GPC6: variants seen among roughly 807,000 people sequenced by gnomAD.
GPC6 encodes glypican 6.
GPC6 carries 14 observed loss-of-function variants against 55.2 expected under a neutral mutation model. The ratio of observed to expected loss-of-function variants is 0.25; its 90% CI spans 0.17 to 0.40. GPC6 has a LOEUF of 0.40. Among genes scored for constraint, GPC6 ranks in the 10% least tolerant of loss-of-function variants. The pLI, the probability that GPC6 is intolerant of heterozygous loss-of-function variation, is 1.00. For synonymous variants in GPC6, 278 were observed against 259.6 expected, an observed-to-expected ratio of 1.07 and a Z score of -0.68; for missense variants, 641 against 708.5, an observed-to-expected ratio of 0.90 and a Z score of 1.08.
rs570816242 is a variant in GPC6, at chr13:93,767,000, G to A, written c.320-63154G>A. Among the ~76,000 whole-genome samples, 4 of 152,020 alleles carry A rather than the reference G, an allele frequency of 2.6e-5. No homozygotes were observed. In the East Asian group the frequency reaches 7.7e-4, roughly 29 times the overall value. The stretch of plus-strand genomic sequence containing the variant: ...TTAATTTTTTTTTTTCCCCCGCGGT[G>A]GTGGTGACTCTGGGCTTCTTCTGCA... On this transcript the variant is annotated intron_variant, in intron 2 of 8. Transcript: ENST00000377047.
intron 2 of GPC6, among the ~76,000 whole-genome samples, chr13:93,819,405 T>C (rs1463500041): frequency 6.6e-6 from 1 of 152,172 alleles, no homozygotes; most frequent in Non-Finnish European, 1.5e-5. Flanking sequence ...CCATCATGAT[T>C]TGGAAACCTA....
At chr13:94,034,203 A>AGGAAGGAG (rs1883247587) in intron 4 of GPC6, among the ~76,000 whole-genome samples, 1 of 109,548 alleles carries the variant, frequency 9.1e-6, no homozygotes, top group African/African-American at 4.0e-5. Context: ...GAAAGAAAGA[A>AGGAAGGAG]GGAAGGAAGG....
chr13:93,936,766 T>C (rs1222807567), intron 3 of GPC6, among the ~76,000 whole-genome samples: 22 of 152,212 alleles, frequency 1.4e-4, no homozygotes, highest in Admixed American at 1.4e-3. Context: ...TCTCATTCAA[T>C]GCAAACCACG....
intron 3 of GPC6, among the ~76,000 whole-genome samples, chr13:93,847,485 A>T (rs76856823): frequency 7.4e-4 from 113 of 152,240 alleles, no homozygotes; most frequent in African/African-American, 2.5e-3. Flanking sequence ...TGGGTAAAGA[A>T]GGTTCTTTTC....
chr13:94,055,018 T>A (rs913872209), intron 4 of GPC6, among the ~76,000 whole-genome samples: 7 of 152,190 alleles, frequency 4.6e-5, no homozygotes, highest in African/African-American at 1.7e-4. Context: ...GAAGTAATAA[T>A]TACCATGTGT....
intron 4 of GPC6, among the ~76,000 whole-genome samples, chr13:94,128,289 A>G (rs978201781): frequency 1.3e-5 from 2 of 152,168 alleles, no homozygotes; most frequent in Non-Finnish European, 2.9e-5. Flanking sequence ...CTCCACAGAC[A>G]GCTAAGTAAA....
chr13:93,810,750 C>T (rs1260974552), intron 2 of GPC6, among the ~76,000 whole-genome samples: 1 of 152,128 alleles, frequency 6.6e-6, no homozygotes, highest in African/African-American at 2.4e-5. Context: ...TTGGGGAAAA[C>T]ATTAGCTGAT....
intron 1 of GPC6, among the ~76,000 whole-genome samples, chr13:93,262,012 G>GTGCTGAT (rs2139041564): frequency 6.6e-6 from 1 of 151,984 alleles, no homozygotes; most frequent in East Asian, 1.9e-4. Context: ...ATTTATGAGA[G>GTGCTGAT]TGCTGATGTT....
intron 3 of GPC6, among the ~76,000 whole-genome samples, chr13:93,853,362 A>T (rs867696100): frequency 6.6e-6 from 1 of 151,796 alleles, no homozygotes; most frequent in South Asian, 2.1e-4. Flanking sequence ...TCAGTTTATT[A>T]TCATATTACC....
At chr13:93,758,474 C>T (rs553662475) in intron 2 of GPC6, among the ~76,000 whole-genome samples, 26 of 152,150 alleles carry the variant, frequency 1.7e-4, no homozygotes, top group African/African-American at 6.3e-4. Context: ...TATGGAGATA[C>T]AGATTTGATT....
At chr13:93,689,203 C>T (rs1882162345) in intron 2 of GPC6, among the ~76,000 whole-genome samples, 2 of 151,898 alleles carry the variant, frequency 1.3e-5, no homozygotes, top group South Asian at 2.1e-4. Context: ...TCCCAGAAGG[C>T]AAAAACAAAA....
intron 2 of GPC6, among the ~76,000 whole-genome samples, chr13:93,601,677 G>T (rs974376491): frequency 6.6e-6 from 1 of 152,140 alleles, no homozygotes; most frequent in African/African-American, 2.4e-5. Context: ...GTTTCATTGA[G>T]TACCTACCAT....
intron 2 of GPC6, among the ~76,000 whole-genome samples, chr13:93,609,779 T>C (rs1878389032): frequency 6.6e-6 from 1 of 152,174 alleles, no homozygotes; most frequent in Non-Finnish European, 1.5e-5. Context: ...TTCTGTCTCA[T>C]CCTCTACTAT....
chr13:94,331,787 A>C (rs997433547), intron 6 of GPC6, among the ~76,000 whole-genome samples: 2 of 152,216 alleles, frequency 1.3e-5, no homozygotes, highest in African/African-American at 4.8e-5. Flanking sequence ...GAAAAGTAAA[A>C]GGTGAATTAA....
intron 3 of GPC6, among the ~76,000 whole-genome samples, chr13:93,858,263 A>T (rs749863257): frequency 6.6e-6 from 1 of 151,638 alleles, no homozygotes; most frequent in Non-Finnish European, 1.5e-5. Context: ...TTTGTTAATA[A>T]CATAATATTT....
intron 3 of GPC6, among the ~76,000 whole-genome samples, chr13:93,856,833 G>T (rs935604688): frequency 6.6e-6 from 1 of 151,544 alleles, no homozygotes; most frequent in Admixed American, 6.6e-5. Flanking sequence ...ATCATTAGCT[G>T]ACCTCCAGAC....
At chr13:94,391,748 CT>C (rs1433276080) in intron 7 of GPC6, among the ~76,000 whole-genome samples, 1 of 152,148 alleles carries the variant, frequency 6.6e-6, no homozygotes, top group East Asian at 1.9e-4. Flanking sequence ...ATCCACAGAA[CT>C]TTTTTATCTT....
intron 1 of GPC6, among the ~76,000 whole-genome samples, chr13:93,286,394 A>G (rs949145674): frequency 3.3e-5 from 5 of 152,210 alleles, no homozygotes; most frequent in African/African-American, 4.8e-5. Context: ...CAAAGGATCC[A>G]GTTGAATTAG....
chr13:93,683,191 A>T (rs140396012), intron 2 of GPC6, among the ~76,000 whole-genome samples: 5 of 152,266 alleles, frequency 3.3e-5, no homozygotes, highest in Non-Finnish European at 7.4e-5. Flanking sequence ...AAAATAAAAA[A>T]GATATTTAGC....
Sources: gnomAD v4.1 joint callset for allele counts (sites outside exome capture counted in the v4.1 genomes callset) on GRCh38, gnomAD v4.1.1 for gene constraint, MANE v1.5 for transcripts, NCBI Gene and HGNC (gene_info 2026-07-23, HGNC 2026-07-21) for gene names.